The following C13orf46 variants were observed in gnomAD, a reference collection of about 807,000 sequenced individuals.
C13orf46 encodes the protein chromosome 13 open reading frame 46.
In C13orf46 at chr13:113,955,026, G is replaced by GGAGGAGGAGGATCTGGCGGA. The variant is rs2052511909; in HGVS notation, c.*1746_*1747insTCCGCCAGATCCTCCTCCTC. The GGAGGAGGAGGATCTGGCGGA allele has an allele frequency of 1.1e-5, 2 of 176,050 alleles. No homozygotes were observed. The highest frequency in any genetic ancestry group is 5.0e-5 in the African/African-American group (2 of 40,400). The allele number at this position is 176,050 out of a possible 1,614,324, so 10.9% of individuals were successfully genotyped here. The stretch of plus-strand genomic sequence containing the variant: ...GAGGAGGAGTAGGATCTGGCGGAGA[G>GGAGGAGGAGGATCTGGCGGA]GAGGAGTAGGATCTGGCGGAGAGGA... On this transcript the variant is annotated 3_prime_UTR_variant, in exon 7 of 7. Coordinates refer to ENST00000636427, the MANE Select transcript of C13orf46 (RefSeq NM_001365455.2).
chr13:113,957,937 C>T (rs2052554283), intron 6 of C13orf46, among the ~76,000 whole-genome samples: 2 of 131,288 alleles, frequency 1.5e-5, no homozygotes, highest in Middle Eastern at 6.3e-3. Flanking sequence ...ACTCTGTATG[C>T]ACCCCCTTTC....
intron 6 of C13orf46, among the ~76,000 whole-genome samples, chr13:113,959,673 C>T (rs1056339273): frequency 4.4e-4 from 67 of 152,192 alleles, no homozygotes; most frequent in African/African-American, 1.4e-3. Flanking sequence ...CACTCTTTTG[C>T]TTATTTTAAA....
intron 2 of C13orf46, among the ~76,000 whole-genome samples, 181 bp downstream of exon 2, chr13:113,969,990 T>TTCCCAGCCC (rs1185209739): frequency 6.6e-6 from 1 of 152,054 alleles, no homozygotes; most frequent in African/African-American, 2.4e-5. Context: ...TAAGGAGGAT[T>TTCCCAGCCC]TCCCAGCCCT....
chr13:113,962,223 G>A (rs971457984), intron 6 of C13orf46, among the ~76,000 whole-genome samples: 28 of 152,270 alleles, frequency 1.8e-4, no homozygotes, highest in African/African-American at 6.0e-4. Context: ...CTAACACGGC[G>A]AAACCCTGGC....
chr13:113,955,286 CG>C lies in C13orf46; in HGVS notation c.*1486del. ...GGCGGAGAGGAGGAGTAGTATCTGG[CG>C]GAGAGGAGTAGTATCTGGCAGAGAG... On this transcript the variant is annotated 3_prime_UTR_variant, in exon 7 of 7. Coordinates refer to ENST00000636427, the MANE Select transcript of C13orf46 (RefSeq NM_001365455.2). 1 of 149,424 alleles carries C rather than the reference CG, an allele frequency of 6.7e-6. No homozygotes were observed. The highest frequency in any genetic ancestry group is 1.3e-5 in the Non-Finnish European group (1 of 78,020). The allele number at this position is 149,424 out of a possible 1,614,324, so 9.3% of individuals were successfully genotyped here.
At chr13:113,936,422 C>T in the C13orf46 span, among the ~76,000 whole-genome samples, 3 of 152,194 alleles carry the variant, frequency 2.0e-5, no homozygotes, top group Admixed American at 2.0e-4. Context: ...CCCACTGGCT[C>T]AAAGGAGCCA....
chr13:113,926,707 C>T, the C13orf46 span: 1 of 152,174 alleles, frequency 6.6e-6, no homozygotes, highest in Non-Finnish European at 1.5e-5. Flanking sequence ...GTCGTGAATC[C>T]AGCAAATGCC....
chr13:113,966,746 G>T (rs2052654393), intron 5 of C13orf46, among the ~76,000 whole-genome samples: 4 of 151,916 alleles, frequency 2.6e-5, no homozygotes, highest in Admixed American at 2.6e-4. Flanking sequence ...TGATGATGAT[G>T]GTTGTGATAT....
the C13orf46 span, among the ~76,000 whole-genome samples, chr13:113,930,955 G>A: frequency 6.6e-6 from 1 of 152,226 alleles, no homozygotes; most frequent in Non-Finnish European, 1.5e-5. Context: ...CCAGGCTGGG[G>A]CCTCCACAGA....
chr13:113,952,031 G>A (rs2052491042), downstream of C13orf46, among the ~76,000 whole-genome samples: 2 of 152,356 alleles, frequency 1.3e-5, no homozygotes, highest in East Asian at 1.9e-4. Flanking sequence ...GAAAACTCTG[G>A]AAAGAACACA....
At chr13:113,927,803 C>T in the C13orf46 span, 7 of 393,508 alleles carry the variant, frequency 1.8e-5, no homozygotes, top group Non-Finnish European at 2.7e-5. Context: ...TAGCCAGGGT[C>T]GCTCTGTGGA....
At chr13:113,969,937 C>T (rs1230272388) in intron 2 of C13orf46, among the ~76,000 whole-genome samples, 9 of 152,166 alleles carry the variant, frequency 5.9e-5, no homozygotes, top group African/African-American at 1.7e-4. Context: ...GACACCACCC[C>T]GCTACAGGTG....
the C13orf46 span, among the ~76,000 whole-genome samples, chr13:113,933,991 G>A: frequency 2.0e-5 from 3 of 152,178 alleles, no homozygotes; most frequent in Non-Finnish European, 4.4e-5. Context: ...CGCATATGTG[G>A]ATTTCTGTAA....
At chr13:113,966,399 T>C (rs1338988112) in intron 5 of C13orf46, among the ~76,000 whole-genome samples, 1 of 149,448 alleles carries the variant, frequency 6.7e-6, no homozygotes. Context: ...ATGGTATTAA[T>C]GATGGTGATG....
At chr13:113,951,851 G>A (rs1375463719), downstream of C13orf46, among the ~76,000 whole-genome samples, 3 of 152,250 alleles carry the variant, frequency 2.0e-5, no homozygotes, top group Non-Finnish European at 4.4e-5. Context: ...GGGGACCGGC[G>A]GCACCTGCTG....
At chr13:113,963,746 G>A (rs943710242) in intron 6 of C13orf46, among the ~76,000 whole-genome samples, 29 of 152,202 alleles carry the variant, frequency 1.9e-4, no homozygotes, top group South Asian at 1.0e-3. Context: ...GCTCCCATGT[G>A]CTTTTAAGAG....
the C13orf46 span, among the ~76,000 whole-genome samples, chr13:113,935,756 TTTCTC>T: frequency 6.6e-6 from 1 of 152,182 alleles, no homozygotes; most frequent in Non-Finnish European, 1.5e-5. Context: ...ACACTGAACT[TTTCTC>T]TGCTCCCAGC....
chr13:113,951,978 T>C (rs2052490820), downstream of C13orf46, among the ~76,000 whole-genome samples: 3 of 152,280 alleles, frequency 2.0e-5, no homozygotes, highest in Admixed American at 6.5e-5. Flanking sequence ...TGCACAGGGA[T>C]TGAATACATG....
chr13:113,947,181 C>T, the C13orf46 span, among the ~76,000 whole-genome samples: 3 of 152,174 alleles, frequency 2.0e-5, no homozygotes, highest in Non-Finnish European at 4.4e-5. Context: ...TTGGAGGAAA[C>T]GCTGTATATA....
Sources: allele counts gnomAD v4.1 joint callset (sites outside exome capture counted in the v4.1 genomes callset), GRCh38; gene constraint gnomAD v4.1.1; transcripts MANE v1.5; gene names NCBI Gene and HGNC (gene_info 2026-07-23, HGNC 2026-07-21).